The following HCFC2 variants were observed in gnomAD, a reference collection of about 807,000 sequenced individuals.
HCFC2 encodes host cell factor C2.
HCFC2 carries 18 observed loss-of-function variants against 89.2 expected under a neutral mutation model. The ratio of observed to expected loss-of-function variants is 0.20; its 90% CI spans 0.14 to 0.30. The LOEUF is 0.30. HCFC2 is among the 10% of genes least tolerant of loss of function. The pLI is 1.00. For missense variants in HCFC2, 578 were observed against 956.1 expected (o/e 0.60, Z 5.21); for synonymous variants, 308 against 335.7 (o/e 0.92, Z 0.90).
chr12:104,067,281 A>AC (rs1230154911), intron 2 of HCFC2, among the ~76,000 whole-genome samples: 1 of 151,986 alleles, frequency 6.6e-6, no homozygotes, highest in South Asian at 2.1e-4. Context: ...TATTTACTAC[A>AC]CCCCCCACCT....
intron 7 of HCFC2, among the ~76,000 whole-genome samples, chr12:104,085,856 C>T (rs1364668790): frequency 1.3e-5 from 2 of 151,898 alleles, no homozygotes; most frequent in African/African-American, 4.8e-5. Context: ...TTGTTCTTAA[C>T]TCTGTTAAAT....
chr12:104,104,301 AC>A lies in HCFC2; in HGVS notation c.*1029del, dbSNP rs1454014858. 6.6e-6 allele frequency: 1 copy of A among 151,978 alleles called. No individual in the cohort carries two copies. The highest frequency in any genetic ancestry group is 1.5e-5 in the Non-Finnish European group (1 of 67,902). 9.4% of individuals were successfully genotyped at this position (151,978 alleles called of 1,614,324 possible). On this transcript the variant is annotated 3_prime_UTR_variant, in exon 15 of 15. Transcript: ENST00000229330. ...TTGTTTTTACCTTGAAATTGTATAAACTTTTTTACTATGAAAATATAAGCAT... is the reference window on the plus strand; with the variant it reads ...TTGTTTTTACCTTGAAATTGTATAAATTTTTTACTATGAAAATATAAGCAT...
At position 104,086,923 on chromosome 12, in the gene HCFC2, G is replaced by A. The variant is rs148668062; in HGVS notation, c.1140G>A (p.Val380=). The A allele has an allele frequency of 3.8e-5, 61 of 1,613,914 alleles. No individual in the cohort carries two copies. In the African/African-American group the frequency reaches 6.7e-4, roughly 18 times the overall value. The change falls in exon 8 of 15, where the codon GTG becomes GTA. Residue 380 remains valine (V), a synonymous_variant. Transcript: ENST00000229330. ...CCTTTCATGTCAAGTGGGATGAAGT[G>A]TCTACAGTTGAGGGCTATCTTTTGC... ...TNSFHVKWDE[V]STVEGYLLQL... is the part of the protein sequence containing the mutation.
intron 13 of HCFC2, among the ~76,000 whole-genome samples, chr12:104,101,395 G>C (rs757755779): frequency 6.6e-6 from 1 of 151,750 alleles, no homozygotes; most frequent in Non-Finnish European, 1.5e-5. Context: ...TGAGGCAGGA[G>C]AATCGCTTGA....
In HCFC2 at chr12:104,079,768, G is replaced by A. The variant is rs1883623215; in HGVS notation, c.682+115G>A. ...CTTAGATTTATAACCAGCACTTGTA[G>A]CCCCAGGGACAGTGTATGTGTGATA... is the stretch of plus-strand genomic sequence containing the variant. On this transcript the variant is annotated intron_variant, in intron 4 of 14. Coordinates refer to ENST00000229330, the MANE Select transcript of HCFC2 (RefSeq NM_013320.3). 8 of 765,890 alleles carry A rather than the reference G, an allele frequency of 1.0e-5. No individual in the cohort carries two copies. The South Asian group carries it at 1.3e-4, about 13-fold the overall frequency. The allele number at this position is 765,890 out of a possible 1,614,324, so 47.4% of individuals were successfully genotyped here.
chr12:104,071,369 C>G (rs529817466), intron 3 of HCFC2, among the ~76,000 whole-genome samples: 24 of 152,264 alleles, frequency 1.6e-4, no homozygotes, highest in African/African-American at 5.5e-4. Flanking sequence ...CAAGGGTATT[C>G]TACTTCAGAG....
In HCFC2 at chr12:104,082,823, T is replaced by C. The variant is rs1883724362; in HGVS notation, c.985T>C (p.Phe329Leu). Residue 329 changes from phenylalanine (F) to leucine (L), a missense_variant, in exon 7 of 15, where the codon TTT becomes CTT. Phe to Leu is a conservative substitution (Grantham distance 22, BLOSUM62 0). Transcript: ENST00000229330. ...TGTTGCAATCGGCACTCGATTGTAT[T>C]TTTGGAGTGGAAGAGATGGCTACAA... Reference protein sequence around the residue: ...CAVAIGTRLYFWSGRDGYKKA... With the variant: ...CAVAIGTRLYLWSGRDGYKKA... 1 of 1,613,956 alleles carries C rather than the reference T, an allele frequency of 6.2e-7. No homozygotes were observed. The highest frequency in any genetic ancestry group is 8.5e-7 in the Non-Finnish European group (1 of 1,179,940).
Position 104,068,033 on chromosome 12 carries a change from T to C in HCFC2, c.399T>C (p.Ser133=). The C allele has an allele frequency of 6.2e-7, 1 of 1,606,552 alleles. No homozygotes were observed. Among genetic ancestry groups the C allele is most frequent in the African/African-American group, 1.3e-5 (1 of 74,468 alleles). Residue 133 remains serine, a synonymous_variant, in exon 3 of 15, where the codon TCT becomes TCC. Coordinates refer to ENST00000229330, the MANE Select transcript of HCFC2 (RefSeq NM_013320.3). This position sits in a 1 kb window ranked among gnomAD's most constrained non-coding sequence, Gnocchi z 4.1. The part of the protein sequence containing the change: ...PPCPRLGHSF[S]LYGNKCYLFG... The stretch of plus-strand genomic sequence containing the variant: ...GTCCTCGGCTTGGACATAGCTTCTC[T>C]TTATATGGTAACAAATGCTATTTGT...
At chr12:104,096,251 G>C in intron 11 of HCFC2, 109 bp from the exon 12 acceptor site, 1 of 652,086 alleles carries the variant, frequency 1.5e-6, no homozygotes, top group Non-Finnish European at 2.5e-6. Context: ...TGCTGTCTTA[G>C]CCATTTTTAA....
intron 13 of HCFC2, among the ~76,000 whole-genome samples, chr12:104,100,649 G>A (rs922600114): frequency 2.0e-5 from 3 of 151,938 alleles, no homozygotes; most frequent in African/African-American, 4.8e-5. Flanking sequence ...TGAATCTCCC[G>A]AAGATATGCA....
Position 104,103,552 on chromosome 12 carries a change from C to A in HCFC2, c.*279C>A. ...AGATAAAAGCTAGAAAGCTTTATTACCCCAATATCTTTTATAAGGGCTGTG... is the reference window on the plus strand; with the variant it reads ...AGATAAAAGCTAGAAAGCTTTATTAACCCAATATCTTTTATAAGGGCTGTG... On this transcript the variant is annotated 3_prime_UTR_variant, in exon 15 of 15. Transcript: ENST00000229330. The A allele has an allele frequency of 5.6e-6, 2 of 358,144 alleles. No individual in the cohort carries two copies. The highest frequency in any genetic ancestry group is 1.0e-5 in the Non-Finnish European group (2 of 196,436). 22.2% of individuals were successfully genotyped at this position (358,144 alleles called of 1,614,324 possible).
At chr12:104,080,538 A>G (rs1054733117) in intron 4 of HCFC2, 3 of 360,218 alleles carry the variant, frequency 8.3e-6, no homozygotes, top group African/African-American at 6.5e-5. Flanking sequence ...ATAGATATGG[A>G]GGGCTAACTG....
chr12:104,088,957 C>T (rs888775187), intron 9 of HCFC2, among the ~76,000 whole-genome samples: 2 of 152,144 alleles, frequency 1.3e-5, no homozygotes, highest in African/African-American at 4.8e-5. Flanking sequence ...CTAGAAGCAA[C>T]TACTTTAAAC....
In HCFC2 at chr12:104,066,274, G is replaced by A; in HGVS notation, c.271G>A (p.Val91Ile). 1 of 1,610,240 alleles carries A rather than the reference G, an allele frequency of 6.2e-7. No individual in the cohort carries two copies. Among genetic ancestry groups the A allele is most frequent in the Non-Finnish European group, 8.5e-7 (1 of 1,178,134 alleles). The change falls in exon 2 of 15, where the codon GTT becomes ATT. Residue 91 changes from valine (V) to isoleucine (I), a missense_variant. By Grantham distance (29) the Val-to-Ile change is conservative. Around this residue, in one of 4 missense-constraint regions of HCFC2, gnomAD observed 206 missense variants for 419.2 expected, o/e 0.49. Coordinates refer to ENST00000229330, the MANE Select transcript of HCFC2 (RefSeq NM_013320.3). ...CAGAATATTAGTATTTGGGGGAATG[G>A]TTGAATATGGAAGATACAGCAATGA... ...GTRILVFGGM[V>I]EYGRYSNELY...
At chr12:104,081,113 C>T (rs1006478161) in intron 5 of HCFC2, among the ~76,000 whole-genome samples, 11 of 152,194 alleles carry the variant, frequency 7.2e-5, no homozygotes, top group Admixed American at 2.6e-4. Flanking sequence ...AATCACCTAA[C>T]TCACTTTTCC....
Position 104,093,991 on chromosome 12 carries a change from G to A in HCFC2, c.1462+428G>A, listed in dbSNP as rs528942703. Reference sequence around the variant, plus strand: ...GACGTTTAGAAGGTTTCATCTATTAGACTTGACAACTGGTTGTATATGAGA... The same window carrying A: ...GACGTTTAGAAGGTTTCATCTATTAAACTTGACAACTGGTTGTATATGAGA... On this transcript the variant is annotated intron_variant, in intron 10 of 14. Coordinates refer to ENST00000229330, the MANE Select transcript of HCFC2 (RefSeq NM_013320.3). Among the ~76,000 whole-genome samples, 9 of 152,234 alleles carry A rather than the reference G, an allele frequency of 5.9e-5. No homozygotes were observed. In the East Asian group the frequency reaches 1.5e-3, roughly 26 times the overall value.
intron 9 of HCFC2, among the ~76,000 whole-genome samples, chr12:104,093,085 G>A (rs1052923954): frequency 1.3e-5 from 2 of 151,978 alleles, no homozygotes; most frequent in African/African-American, 4.8e-5. Flanking sequence ...TGTTATATAT[G>A]TATTTGCTTG....
At chr12:104,076,415 T>G (rs1055132232) in intron 3 of HCFC2, among the ~76,000 whole-genome samples, 5 of 146,222 alleles carry the variant, frequency 3.4e-5, no homozygotes, top group African/African-American at 1.0e-4. Flanking sequence ...TCAACTTGTG[T>G]ACATCGTTTT....
intron 4 of HCFC2, 103 bp downstream of exon 4, chr12:104,079,756 C>G (rs1280569430): frequency 6.9e-6 from 6 of 866,268 alleles, no homozygotes; most frequent in Admixed American, 2.0e-5. Context: ...AGATTTATAA[C>G]CAGCACTTGT....
Sources: gnomAD v4.1 joint callset for allele counts (sites outside exome capture counted in the v4.1 genomes callset) on GRCh38, gnomAD v4.1.1 for gene constraint, gnomAD v4.1.1 regional missense constraint, Gnocchi (gnomAD v3.1) non-coding constraint, MANE v1.5 for transcripts, NCBI Gene and HGNC (gene_info 2026-07-23, HGNC 2026-07-21) for gene names.